Variants in RASA3 observed in about 807,000 individuals in gnomAD.
The protein encoded by RASA3 is ras GTPase-activating protein 3.
RASA3 carries 73 observed loss-of-function variants against 110.0 expected under a neutral mutation model. The observed-to-expected ratio is 0.66, with a 90% CI of 0.55 to 0.81. RASA3 has a LOEUF of 0.81. Among genes scored for constraint, RASA3 ranks in the 30% least tolerant of loss-of-function variants. The probability of loss-of-function intolerance (pLI) is 0.00; values close to 1 mark genes in which losing one functional copy is unlikely to be tolerated. For missense variants in RASA3, 976 were observed against 1,113.2 expected, an observed-to-expected ratio of 0.88 and a Z score of 1.75; for synonymous variants, 500 against 451.4, an observed-to-expected ratio of 1.11 and a Z score of -1.37.
chr13:114,094,399 T>C (rs1047969072), intron 1 of RASA3, among the ~76,000 whole-genome samples: 1 of 152,176 alleles, frequency 6.6e-6, no homozygotes, highest in African/African-American at 2.4e-5. Context: ...CATCAACACA[T>C]GAACGGATAA....
intron 8 of RASA3, among the ~76,000 whole-genome samples, chr13:114,023,994 C>T (rs1247318888): frequency 6.6e-6 from 1 of 152,180 alleles, no homozygotes; most frequent in East Asian, 1.9e-4. Flanking sequence ...AGAACAAGAC[C>T]TTAAGAACGG....
chr13:114,070,388 C>T (rs1322069597), intron 2 of RASA3, among the ~76,000 whole-genome samples: 2 of 152,116 alleles, frequency 1.3e-5, no homozygotes, highest in East Asian at 1.9e-4. Context: ...TAATACAGGA[C>T]TCTGTTAATG....
chr13:114,043,837 G>GCCCCCCCCCCCCCCCCCC (rs544129523), intron 3 of RASA3, among the ~76,000 whole-genome samples: 1 of 22,826 alleles, frequency 4.4e-5, no homozygotes, highest in Non-Finnish European at 7.1e-5. Context: ...CACTCGCTGA[G>GCCCCCCCCCCCCCCCCCC]CCCCCCGCCC....
Position 114,115,873 on chromosome 13 carries a change from A to G in RASA3, c.55+16562T>C, listed in dbSNP as rs530886348. On this transcript the variant is annotated intron_variant, in intron 1 of 23. Coordinates refer to ENST00000334062, the MANE Select transcript of RASA3 (RefSeq NM_007368.4). The surrounding 1 kb of genome is among the most constrained non-coding windows in gnomAD (Gnocchi z 5.0). ...AATGTGAGATTATTCTTCTTGGTTA[A>G]TATTTTACTTTCTGTCATAACCAGC... Among the ~76,000 whole-genome samples the G allele has an allele frequency of 3.1e-4, 47 of 152,350 alleles. No individual in the cohort carries two copies. The highest frequency in any genetic ancestry group is 1.1e-3 in the African/African-American group (44 of 41,580).
intron 1 of RASA3, among the ~76,000 whole-genome samples, chr13:114,097,058 T>A (rs760713195): frequency 1.3e-5 from 2 of 152,160 alleles, no homozygotes; most frequent in African/African-American, 2.4e-5. Flanking sequence ...GGCGTCACAG[T>A]TGTCACTGAG....
chr13:114,132,470 C>T lies in RASA3; in HGVS notation c.20G>A (p.Gly7Glu), dbSNP rs1282528446. 3 of 1,509,866 alleles carry T rather than the reference C, an allele frequency of 2.0e-6. No individual in the cohort carries two copies. Among genetic ancestry groups the T allele is most frequent in the Non-Finnish European group, 8.8e-7 (1 of 1,135,274 alleles). 93.5% of individuals were successfully genotyped at this position (1,509,866 alleles called of 1,614,324 possible). A position where few individuals can be genotyped will look rare whatever the true frequency, so the allele number is the denominator to read the frequency against. The change falls in exon 1 of 24, where the codon GGG (glycine) becomes GAG (glutamate). Residue 7 changes from glycine to glutamate, a missense_variant. Physicochemically the swap from Gly to Glu is moderately conservative, Grantham distance 98. Around this residue, in one of 4 missense-constraint regions of RASA3, gnomAD observed 732 missense variants for 779.7 expected, o/e 0.94. Transcript: ENST00000334062. ...CTTCACGCTCTGGAAGACCCGGAGC[C>T]CCTCGTCCTCCACCGCCATGCTGCG... MAVEDEGLRVFQSVKIK... is the reference protein window; with the variant it reads MAVEDEELRVFQSVKIK...
intron 2 of RASA3, among the ~76,000 whole-genome samples, chr13:114,072,864 C>T (rs9525378): frequency 0.44 from 56,945 of 130,164 alleles, 11,658 homozygotes; most frequent in Middle Eastern, 0.56. Flanking sequence ...GCTCGGGACA[C>T]TGTCTACACA....
chr13:114,009,634 C>A (rs2053589462), intron 16 of RASA3, among the ~76,000 whole-genome samples, 170 bp from the exon 17 acceptor site: 1 of 152,256 alleles, frequency 6.6e-6, no homozygotes, highest in African/African-American at 2.4e-5. Context: ...GAGGACGAAT[C>A]ACATAAATCG....
chr13:114,109,741 T>A (rs1413755128), intron 1 of RASA3, among the ~76,000 whole-genome samples: 1 of 151,566 alleles, frequency 6.6e-6, no homozygotes, highest in Non-Finnish European at 1.5e-5. Flanking sequence ...CCAAACGCCG[T>A]GAGCAGCCTC....
chr13:114,030,202 C>T (rs532132168), intron 4 of RASA3, among the ~76,000 whole-genome samples: 1 of 152,360 alleles, frequency 6.6e-6, no homozygotes, highest in South Asian at 2.1e-4. Flanking sequence ...GTGAAGCAGA[C>T]CCCCAAAGGC....
chr13:114,011,360 C>T lies in RASA3; in HGVS notation c.1513-112G>A. 2 of 947,514 alleles carry T rather than the reference C, an allele frequency of 2.1e-6. No individual in the cohort carries two copies. Among genetic ancestry groups the T allele is most frequent in the Non-Finnish European group, 3.3e-6 (2 of 601,826 alleles). The allele number at this position is 947,514 out of a possible 1,614,324, so 58.7% of individuals were successfully genotyped here. A position where few individuals can be genotyped will look rare whatever the true frequency, so the allele number is the denominator to read the frequency against. ...CACCTCAGAGCTGCTGTGGCTTGTG[C>T]ATGAGCTACGGAGAAACAGGGGTAG... On this transcript the variant is annotated intron_variant, in intron 15 of 23. Coordinates refer to ENST00000334062, the MANE Select transcript of RASA3 (RefSeq NM_007368.4). This position sits in a 1 kb window ranked among gnomAD's most constrained non-coding sequence, Gnocchi z 4.8.
chr13:114,055,444 G>T (rs2079227961), intron 2 of RASA3, among the ~76,000 whole-genome samples: 1 of 152,252 alleles, frequency 6.6e-6, no homozygotes, highest in Admixed American at 6.5e-5. Context: ...GAAGCTTGGT[G>T]CTCTGCGGAC....
At chr13:114,043,006 T>A (rs2054447138) in intron 3 of RASA3, among the ~76,000 whole-genome samples, 1 of 152,190 alleles carries the variant, frequency 6.6e-6, no homozygotes, top group African/African-American at 2.4e-5. Flanking sequence ...CCAGGACGCA[T>A]CTTCCCTCAG....
chr13:114,117,266 C>T (rs1406297882), intron 1 of RASA3, among the ~76,000 whole-genome samples: 7 of 76,420 alleles, frequency 9.2e-5, no homozygotes, highest in East Asian at 8.0e-4. Flanking sequence ...GAGGGATGCA[C>T]GTGTGTGAGG....
chr13:114,119,640 A>T, intron 1 of RASA3, among the ~76,000 whole-genome samples: 1 of 57,202 alleles, frequency 1.7e-5, no homozygotes, highest in Non-Finnish European at 3.6e-5. Context: ...CTCTCCAGCC[A>T]GGCGTCGATC....
chr13:114,032,306 A>G (rs551915628), intron 4 of RASA3, among the ~76,000 whole-genome samples: 10 of 152,050 alleles, frequency 6.6e-5, no homozygotes, highest in South Asian at 2.1e-4. Flanking sequence ...TTTTCTGCTG[A>G]TCTCAATTGT....
intron 2 of RASA3, among the ~76,000 whole-genome samples, chr13:114,061,178 C>T (rs2079339264): frequency 6.6e-6 from 1 of 152,170 alleles, no homozygotes; most frequent in Non-Finnish European, 1.5e-5. Flanking sequence ...CACACCAAAA[C>T]CCAACTCAGT....
rs946266077 is a variant in RASA3, at chr13:114,112,978, G to A, written c.55+19457C>T. On this transcript the variant is annotated intron_variant, in intron 1 of 23. Transcript: ENST00000334062. The surrounding 1 kb of genome is among the most constrained non-coding windows in gnomAD (Gnocchi z 4.8). Reference sequence around the variant, plus strand: ...CTAAAGGCCTGGGGGCTCAGAGAAAGGCCCAGCCCATCCCAGCAGAGGCCG... The same window carrying A: ...CTAAAGGCCTGGGGGCTCAGAGAAAAGCCCAGCCCATCCCAGCAGAGGCCG... 1.3e-5 allele frequency among the ~76,000 whole-genome samples: 2 copies of A among 152,146 alleles called. No homozygotes were observed. The highest frequency in any genetic ancestry group is 1.5e-5 in the Non-Finnish European group (1 of 68,012).
chr13:114,036,404 T>C (rs997871934), intron 4 of RASA3, among the ~76,000 whole-genome samples: 1 of 152,260 alleles, frequency 6.6e-6, no homozygotes, highest in Non-Finnish European at 1.5e-5. Flanking sequence ...GACACAGGAC[T>C]GTTCCTGGGA....
Sources: gnomAD v4.1 joint callset for allele counts (sites outside exome capture counted in the v4.1 genomes callset) on GRCh38, gnomAD v4.1.1 for gene constraint, gnomAD v4.1.1 regional missense constraint, Gnocchi (gnomAD v3.1) non-coding constraint, MANE v1.5 for transcripts, NCBI Gene and HGNC (gene_info 2026-07-23, HGNC 2026-07-21) for gene names.